Variants in TBX22 observed in about 807,000 individuals in gnomAD.
The protein encoded by TBX22 is T-box transcription factor TBX22.
Under a neutral mutation model 30.1 loss-of-function variants are expected in TBX22, and 8 were observed. The observed-to-expected ratio is 0.27, with a 90% CI of 0.16 to 0.48. The LOEUF (loss-of-function observed/expected upper bound fraction) is 0.48, where lower values mean the gene tolerates loss of function less well. Among genes scored for constraint, TBX22 ranks in the 20% least tolerant of loss-of-function variants. The pLI is 0.99. For missense variants in TBX22, 463 were observed against 400.5 expected, an observed-to-expected ratio of 1.16 and a Z score of -1.33; for synonymous variants, 173 against 149.1, an observed-to-expected ratio of 1.16 and a Z score of -1.17.
At chrX:80,029,004 C>T (rs1478694768) in intron 8 of TBX22, among the ~76,000 whole-genome samples, 2 of 109,791 alleles carry the variant, frequency 1.8e-5, no homozygotes, top group African/African-American at 6.6e-5. Context: ...CTAATAGCAT[C>T]TAGAAAGCAT....
chrX:80,022,320 G>T lies in TBX22; in HGVS notation c.51G>T (p.Gly17=). The part of the protein sequence containing the change: ...ARAFSVEALV[G]RPSKRKLQDP... ...CCTTCTCCGTGGAAGCCTTGGTGGG[G>T]AGACCCAGCAAAAGAAAACTCCAAG... is the stretch of plus-strand genomic sequence containing the variant. Residue 17 remains glycine, a synonymous_variant, in exon 2 of 9, where the codon GGG becomes GGT. Coordinates refer to ENST00000373296, the MANE Select transcript of TBX22 (RefSeq NM_001109878.2). 4 of 1,211,476 alleles carry T rather than the reference G, an allele frequency of 3.3e-6. No individual in the cohort carries two copies. The highest frequency in any genetic ancestry group is 4.5e-6 in the Non-Finnish European group (4 of 895,406).
intron 2 of TBX22, chrX:80,022,734 T>C (rs1923775588): frequency 7.1e-6 from 3 of 419,912 alleles, no homozygotes; most frequent in Non-Finnish European, 4.1e-6. Flanking sequence ...TATCCTGGGA[T>C]GGGAAGCAGG....
At chrX:80,018,797 C>T (rs192063136) in intron 1 of TBX22, among the ~76,000 whole-genome samples, 3 of 111,485 alleles carry the variant, frequency 2.7e-5, no homozygotes, top group African/African-American at 9.8e-5. Context: ...ATGGTTAAAA[C>T]AAAGAACTGA....
chrX:80,021,633 C>T (rs1338595182), intron 1 of TBX22, among the ~76,000 whole-genome samples: 5 of 112,408 alleles, frequency 4.4e-5, no homozygotes, highest in Non-Finnish European at 9.4e-5. Flanking sequence ...TCTCCTCTCT[C>T]TACTTCCCTA....
At chrX:80,021,682 CCT>C (rs1479368810) in intron 1 of TBX22, among the ~76,000 whole-genome samples, 1 of 112,273 alleles carries the variant, frequency 8.9e-6, no homozygotes, top group Non-Finnish European at 1.9e-5. Context: ...AACCCCCCTC[CCT>C]GTTAGACTCT....
At chrX:80,017,005 CAAAAAAAAA>C (rs1270817239) in intron 1 of TBX22, among the ~76,000 whole-genome samples, 1 of 29,297 alleles carries the variant, frequency 3.4e-5, no homozygotes, top group Non-Finnish European at 5.6e-5. Flanking sequence ...GATTCTGTCT[CAAAAAAAAA>C]AAAAAAAAAA....
At chrX:80,023,770 C>G (rs1276489958) in intron 3 of TBX22, among the ~76,000 whole-genome samples, 1 of 111,253 alleles carries the variant, frequency 9.0e-6, no homozygotes, top group Admixed American at 9.5e-5. Context: ...TGGGACACAG[C>G]TTTTTCTCTC....
intron 7 of TBX22, 54 bp downstream of exon 7, chrX:80,027,374 GTTT>G (rs397895286): frequency 3.2e-3 from 1,328 of 416,573 alleles, no homozygotes; most frequent in East Asian, 9.1e-3. Context: ...ATTTTCACAA[GTTT>G]TTTTTTTTTT....
chrX:80,018,053 G>C (rs746354538), intron 1 of TBX22, among the ~76,000 whole-genome samples: 9 of 111,836 alleles, frequency 8.0e-5, no homozygotes, highest in Non-Finnish European at 1.7e-4. Flanking sequence ...CTCTACCAAG[G>C]AGCAAGAGTA....
intron 5 of TBX22, among the ~76,000 whole-genome samples, chrX:80,026,191 A>C (rs1923964403): frequency 9.0e-6 from 1 of 111,260 alleles, no homozygotes; most frequent in South Asian, 3.8e-4. Context: ...AAGTGGGGGA[A>C]TCTCAGACTG....
chrX:80,020,759 A>G (rs1481953064), intron 1 of TBX22, among the ~76,000 whole-genome samples: 2 of 111,875 alleles, frequency 1.8e-5, no homozygotes, highest in African/African-American at 3.3e-5. Flanking sequence ...AATTAAAAGG[A>G]CACACAGGTC....
chrX:80,023,431 G>C (rs1923820389), intron 3 of TBX22, 191 bp downstream of exon 3: 2 of 450,576 alleles, frequency 4.4e-6, no homozygotes, highest in Non-Finnish European at 7.7e-6. Context: ...CCCCATGTAA[G>C]TGGCTCATTC....
In TBX22 at chrX:80,030,712, A is replaced by C. The variant is rs1343152462; in HGVS notation, c.1164A>C (p.Leu388Phe). Residue 388 changes from leucine (L) to phenylalanine (F), a missense_variant, in exon 9 of 9, where the codon TTA (leucine) becomes TTC (phenylalanine). Leu to Phe is a conservative substitution (Grantham distance 22, BLOSUM62 0). Coordinates refer to ENST00000373296, the MANE Select transcript of TBX22 (RefSeq NM_001109878.2). ...TNFWQQQPLV[L>F]PAPERLASSN... ...TTTGGCAACAGCAACCTCTTGTTTT[A>C]CCGGCTCCTGAAAGACTAGCAAGCA... 1.7e-6 allele frequency: 2 copies of C among 1,210,198 alleles called. No individual in the cohort carries two copies. The highest frequency in any genetic ancestry group is 1.7e-5 in the African/African-American group (1 of 57,213).
intron 1 of TBX22, 152 bp from the exon 2 acceptor site, chrX:80,022,116 T>A (rs1280952971): frequency 5.9e-6 from 3 of 510,799 alleles, no homozygotes; most frequent in Non-Finnish European, 9.7e-6. Flanking sequence ...CAGATTTGGG[T>A]TTTGGGTTTG....
rs1924245139 is a variant in TBX22, at chrX:80,031,314, C to T, written c.*203C>T. The T allele has an allele frequency of 2.3e-6, 1 of 428,473 alleles. No individual in the cohort carries two copies. Among genetic ancestry groups the T allele is most frequent in the Non-Finnish European group, 4.0e-6 (1 of 252,637 alleles). 35.3% of individuals were successfully genotyped at this position (428,473 alleles called of 1,213,427 possible). ...AATGTCAAATGAAACCTACAGGAAT[C>T]TCTGATTACAGTGGCCTTGAGCTTC... On this transcript the variant is annotated 3_prime_UTR_variant, in exon 9 of 9. Transcript: ENST00000373296.
In TBX22 at chrX:80,031,399, A is replaced by T. The variant is rs1244438040; in HGVS notation, c.*288A>T. 3.5e-6 allele frequency: 1 copy of T among 282,288 alleles called. No homozygotes were observed. The highest frequency in any genetic ancestry group is 6.2e-6 in the Non-Finnish European group (1 of 162,076). 23.3% of individuals were successfully genotyped at this position (282,288 alleles called of 1,213,427 possible). A position where few individuals can be genotyped will look rare whatever the true frequency, so the allele number is the denominator to read the frequency against. Reference sequence around the variant, plus strand: ...ACTCCACCAGTGAAAATTGATGCTAAGTGATGGGATTTTCAATTATACTGA... The same window carrying T: ...ACTCCACCAGTGAAAATTGATGCTATGTGATGGGATTTTCAATTATACTGA... On this transcript the variant is annotated 3_prime_UTR_variant, in exon 9 of 9. Transcript: ENST00000373296.
At chrX:80,022,892 C>A (rs990193914) in intron 2 of TBX22, among the ~76,000 whole-genome samples, 168 bp from the exon 3 acceptor site, 1 of 109,060 alleles carries the variant, frequency 9.2e-6, no homozygotes, top group African/African-American at 3.4e-5. Flanking sequence ...GCCCCTCTCT[C>A]TCCATTAAGC....
At chrX:80,014,945 G>A (rs1386500222) in intron 1 of TBX22, 58 bp downstream of exon 1, 1 of 111,735 alleles carries the variant, frequency 8.9e-6, no homozygotes, top group Non-Finnish European at 1.9e-5. Flanking sequence ...TCAGTACAGG[G>A]ATTCTCCTCA....
intron 1 of TBX22, among the ~76,000 whole-genome samples, chrX:80,015,997 C>T (rs1923417314): frequency 9.0e-6 from 1 of 111,515 alleles, no homozygotes; most frequent in Non-Finnish European, 1.9e-5. Flanking sequence ...CATAGATTGG[C>T]TTCAAGCACA....
Sources: gnomAD v4.1 joint callset for allele counts (sites outside exome capture counted in the v4.1 genomes callset) on GRCh38, gnomAD v4.1.1 for gene constraint, MANE v1.5 for transcripts, NCBI Gene and HGNC (gene_info 2026-07-23, HGNC 2026-07-21) for gene names.